The following DIP2C variants were observed in gnomAD, a reference collection of about 807,000 sequenced individuals.
DIP2C encodes the protein disco-interacting protein 2 homolog C.
A neutral mutation model predicts 192.4 loss-of-function variants in DIP2C; 33 were observed. That is an observed-to-expected ratio of 0.17 (90% confidence interval 0.13 to 0.23). The LOEUF is 0.23. DIP2C is among the 10% of genes least tolerant of loss of function. The probability of loss-of-function intolerance (pLI) is 1.00; values close to 1 mark genes in which losing one functional copy is unlikely to be tolerated. For missense variants in DIP2C, 1,537 were observed against 2,110.1 expected, an observed-to-expected ratio of 0.73 and a Z score of 5.32; for synonymous variants, 979 against 864.1, an observed-to-expected ratio of 1.13 and a Z score of -2.33.
chr10:671,591 T>A (rs1173921969), intron 1 of DIP2C, among the ~76,000 whole-genome samples: 3 of 28,294 alleles, frequency 1.1e-4, no homozygotes. Context: ...GGAGGAAACG[T>A]CACAGACGCA....
intron 1 of DIP2C, among the ~76,000 whole-genome samples, chr10:498,938 G>A (rs141624959): frequency 1.9e-4 from 29 of 152,282 alleles, no homozygotes; most frequent in African/African-American, 6.5e-4. Flanking sequence ...TCTGCATGCC[G>A]GCATTTCTCA....
intron 1 of DIP2C, among the ~76,000 whole-genome samples, chr10:592,533 A>C (rs1588544012): frequency 6.6e-6 from 1 of 151,670 alleles, no homozygotes; most frequent in East Asian, 1.9e-4. Flanking sequence ...ATATTTTTAA[A>C]ATGCTTAAAG....
chr10:281,108 A>G, intron 36 of DIP2C, 92 bp downstream of exon 36: 1 of 1,552,520 alleles, frequency 6.4e-7, no homozygotes, highest in Non-Finnish European at 8.8e-7. Context: ...CTACCTTAAC[A>G]AAACTCTCCT....
chr10:288,805 C>A (rs571520281), intron 32 of DIP2C, among the ~76,000 whole-genome samples: 1 of 152,230 alleles, frequency 6.6e-6, no homozygotes, highest in African/African-American at 2.4e-5. Context: ...GGCTGTCCTG[C>A]GGGTGGAAGG....
intron 2 of DIP2C, among the ~76,000 whole-genome samples, chr10:479,410 T>G (rs1330068299): frequency 6.8e-6 from 1 of 147,018 alleles, no homozygotes; most frequent in Non-Finnish European, 1.5e-5. Flanking sequence ...CTCCACTCAC[T>G]GCAACATCTG....
At chr10:333,512 T>A (rs897607602) in intron 29 of DIP2C, among the ~76,000 whole-genome samples, 1 of 152,218 alleles carries the variant, frequency 6.6e-6, no homozygotes, top group African/African-American at 2.4e-5. Flanking sequence ...GCACCCACCA[T>A]GTGGACGTGG....
At chr10:477,595 A>AGGGAGAAAGGTGGATGGGT (rs1843154669) in intron 2 of DIP2C, among the ~76,000 whole-genome samples, 1 of 4,470 alleles carries the variant, frequency 2.2e-4, no homozygotes, top group African/African-American at 3.4e-4. Context: ...GGAGATGGGG[A>AGGGAGAAAGGTGGATGGGT]GGGAGGAAGG....
chr10:557,826 G>GGGC (rs1848979509), intron 1 of DIP2C, among the ~76,000 whole-genome samples: 9 of 52,008 alleles, frequency 1.7e-4, no homozygotes, highest in Admixed American at 3.6e-4. Context: ...GAGGGGGCAG[G>GGGC]AAGGCAGGCA....
intron 36 of DIP2C, among the ~76,000 whole-genome samples, chr10:280,508 C>A (rs1413690797): frequency 6.6e-6 from 1 of 152,232 alleles, no homozygotes; most frequent in Non-Finnish European, 1.5e-5. Flanking sequence ...ACTCCCCGGC[C>A]CTGGCCGACT....
At chr10:607,977 C>G (rs1434461688) in intron 1 of DIP2C, among the ~76,000 whole-genome samples, 1 of 151,802 alleles carries the variant, frequency 6.6e-6, no homozygotes, top group African/African-American at 2.4e-5. Flanking sequence ...GCTACAGACA[C>G]CGTAATGAAA....
chr10:327,987 G>A (rs563264228), intron 30 of DIP2C, among the ~76,000 whole-genome samples: 32 of 152,310 alleles, frequency 2.1e-4, no homozygotes, highest in African/African-American at 7.2e-4. Context: ...GGAATGGCTT[G>A]TGAATGTGAA....
At chr10:578,679 C>T (rs1192629557) in intron 1 of DIP2C, among the ~76,000 whole-genome samples, 1 of 152,162 alleles carries the variant, frequency 6.6e-6, no homozygotes, top group East Asian at 1.9e-4. Context: ...ATTCCTGTTG[C>T]CATAGAGCAC....
chr10:626,449 C>T (rs1854207528), intron 1 of DIP2C, among the ~76,000 whole-genome samples: 3 of 150,266 alleles, frequency 2.0e-5, no homozygotes, highest in Admixed American at 2.0e-4. Flanking sequence ...TCCGTCCCCC[C>T]GTCCCCGGAG....
chr10:565,176 G>A (rs146432869), intron 1 of DIP2C, among the ~76,000 whole-genome samples: 1 of 152,168 alleles, frequency 6.6e-6, no homozygotes, highest in African/African-American at 2.4e-5. Flanking sequence ...GCACAGGCAA[G>A]AGAACACGTC....
At chr10:659,641 T>C (rs1395269018) in intron 1 of DIP2C, among the ~76,000 whole-genome samples, 1 of 152,248 alleles carries the variant, frequency 6.6e-6, no homozygotes, top group East Asian at 1.9e-4. Flanking sequence ...ATTGAACGAA[T>C]TCTGCTAATT....
intron 1 of DIP2C, among the ~76,000 whole-genome samples, chr10:489,033 A>G (rs778070158): frequency 5.6e-4 from 86 of 152,282 alleles, no homozygotes; most frequent in Middle Eastern, 6.8e-3. Context: ...CAAAGGGGAA[A>G]CTTACGATGA....
chr10:581,048 T>G (rs1346615366), intron 1 of DIP2C, among the ~76,000 whole-genome samples: 1 of 152,196 alleles, frequency 6.6e-6, no homozygotes, highest in African/African-American at 2.4e-5. Flanking sequence ...GAGAGACCAA[T>G]GTCCCAGGGT....
chr10:437,252 GTC>G (rs748212732), intron 4 of DIP2C, among the ~76,000 whole-genome samples: 10 of 99,624 alleles, frequency 1.0e-4, no homozygotes, highest in African/African-American at 3.1e-4. Context: ...CACACCTGAG[GTC>G]TCTCTGAGCT....
At position 274,514 on chromosome 10, in the gene DIP2C, G is replaced by A. The variant is rs905590665; in HGVS notation, c.*2811C>T. 1.2e-4 allele frequency: 19 copies of A among 152,322 alleles called. No homozygotes were observed. The highest frequency in any genetic ancestry group is 3.4e-3 in the Middle Eastern group (1 of 294). The allele number at this position is 152,322 out of a possible 1,614,324, so 9.4% of individuals were successfully genotyped here. A position where few individuals can be genotyped will look rare whatever the true frequency, so the allele number is the denominator to read the frequency against. On this transcript the variant is annotated 3_prime_UTR_variant, in exon 37 of 37. Transcript: ENST00000280886. ...TTGTTCATTTGAATATAAAACAGGCGTTATCACAGATGTACAAAGCGTACT... is the reference window on the plus strand; with the variant it reads ...TTGTTCATTTGAATATAAAACAGGCATTATCACAGATGTACAAAGCGTACT...
Sources: allele counts gnomAD v4.1 joint callset (sites outside exome capture counted in the v4.1 genomes callset), GRCh38; gene constraint gnomAD v4.1.1; transcripts MANE v1.5; gene names NCBI Gene and HGNC (gene_info 2026-07-23, HGNC 2026-07-21).